Variants in NDUFS4 observed in about 807,000 individuals in gnomAD.
NDUFS4 encodes NADH dehydrogenase [ubiquinone] iron-sulfur protein 4, mitochondrial.
Under a neutral mutation model 24.3 loss-of-function variants are expected in NDUFS4, and 28 were observed. That is an observed-to-expected ratio of 1.15 (90% CI 0.85 to 1.58). NDUFS4 has a LOEUF of 1.58. Ranked by LOEUF, NDUFS4 falls within the 40% of genes most tolerant of loss-of-function variation. The pLI, the probability that NDUFS4 is intolerant of heterozygous loss-of-function variation, is 0.00. For missense variants in NDUFS4, 223 were observed against 207.9 expected (o/e 1.07, Z -0.45); for synonymous variants, 93 against 69.7 (o/e 1.34, Z -1.67).
chr5:53,636,019 A>G (rs1751541503), intron 2 of NDUFS4, among the ~76,000 whole-genome samples: 1 of 152,214 alleles, frequency 6.6e-6, no homozygotes, highest in African/African-American at 2.4e-5. Flanking sequence ...AAGACAGATT[A>G]ACAAGAAAAA....
Position 53,683,336 on chromosome 5 carries a change from A to T in NDUFS4, c.*115A>T. ...TCCTAATAAATTGGACCTTTAAACT[A>T]CAGATACATTTTGTGGTGTCTATTT... On this transcript the variant is annotated 3_prime_UTR_variant, in exon 5 of 5. Coordinates refer to ENST00000296684, the MANE Select transcript of NDUFS4 (RefSeq NM_002495.4). 1 of 775,080 alleles carries T rather than the reference A, an allele frequency of 1.3e-6. No homozygotes were observed. Among genetic ancestry groups the T allele is most frequent in the East Asian group, 2.6e-5 (1 of 38,188 alleles). The allele number at this position is 775,080 out of a possible 1,614,324, so 48.0% of individuals were successfully genotyped here.
intron 1 of NDUFS4, among the ~76,000 whole-genome samples, chr5:53,602,656 G>A (rs1470932193): frequency 1.3e-5 from 2 of 152,150 alleles, no homozygotes; most frequent in East Asian, 3.9e-4. Context: ...CCATATATTT[G>A]GGGTGGAAAT....
intron 2 of NDUFS4, among the ~76,000 whole-genome samples, chr5:53,627,682 T>G (rs1251621961): frequency 6.6e-6 from 1 of 152,182 alleles, no homozygotes; most frequent in East Asian, 1.9e-4. Context: ...GCTCTCTGTT[T>G]GTCTGTTATT....
At chr5:53,682,318 G>T (rs1400138738) in intron 4 of NDUFS4, among the ~76,000 whole-genome samples, 1 of 152,002 alleles carries the variant, frequency 6.6e-6, no homozygotes, top group Non-Finnish European at 1.5e-5. Flanking sequence ...AATGGCTTTG[G>T]AAGGAAAATA....
intron 3 of NDUFS4, among the ~76,000 whole-genome samples, chr5:53,652,876 C>G (rs1454772643): frequency 6.6e-6 from 1 of 151,768 alleles, no homozygotes; most frequent in Non-Finnish European, 1.5e-5. Flanking sequence ...AGGGAGACAG[C>G]ATGACTTATC....
At chr5:53,638,770 A>G (rs1481404971) in intron 2 of NDUFS4, among the ~76,000 whole-genome samples, 1 of 152,156 alleles carries the variant, frequency 6.6e-6, no homozygotes, top group Non-Finnish European at 1.5e-5. Context: ...CTTAACAGAT[A>G]AAGGAAAACC....
Position 53,563,675 on chromosome 5 carries a change from TA to T in NDUFS4, c.98+2916del, listed in dbSNP as rs1748930863. On this transcript the variant is annotated intron_variant, in intron 1 of 4. Transcript: ENST00000296684. ...CACCACCTCGCCCAGCTAATTTTTTTATTTTTAGTAGAGATGGAGTTTCACC... is the reference window on the plus strand; with the variant it reads ...CACCACCTCGCCCAGCTAATTTTTTTTTTTTAGTAGAGATGGAGTTTCACC... Among the ~76,000 whole-genome samples the T allele has an allele frequency of 2.6e-5, 4 of 152,170 alleles. No individual in the cohort carries two copies. The South Asian group carries it at 8.3e-4, about 32-fold the overall frequency.
chr5:53,651,247 CT>C (rs377532128), intron 3 of NDUFS4, among the ~76,000 whole-genome samples: 2 of 151,790 alleles, frequency 1.3e-5, no homozygotes, highest in African/African-American at 2.4e-5. Context: ...AATTGCTACT[CT>C]TTTTTTAGCA....
At chr5:53,563,040 C>G (rs75280194) in intron 1 of NDUFS4, among the ~76,000 whole-genome samples, 3,655 of 121,754 alleles carry the variant, frequency 0.03, no homozygotes, top group South Asian at 0.046. Context: ...CCATCCTGGC[C>G]AACACGGTGA....
At chr5:53,648,575 C>G (rs1751927326) in intron 3 of NDUFS4, among the ~76,000 whole-genome samples, 1 of 152,168 alleles carries the variant, frequency 6.6e-6, no homozygotes, top group Admixed American at 6.5e-5. Flanking sequence ...CTGGTGGTGC[C>G]TGCATCTGTA....
At chr5:53,579,462 A>G (rs922220515) in intron 1 of NDUFS4, among the ~76,000 whole-genome samples, 2 of 152,186 alleles carry the variant, frequency 1.3e-5, no homozygotes, top group Admixed American at 1.3e-4. Flanking sequence ...TTCATGTCCT[A>G]ATCCCCAGAA....
intron 4 of NDUFS4, among the ~76,000 whole-genome samples, chr5:53,661,413 A>G (rs1752339773): frequency 1.3e-5 from 2 of 152,226 alleles, no homozygotes; most frequent in East Asian, 1.9e-4. Context: ...GCCTTGTAGT[A>G]TAGTTTGAAG....
chr5:53,585,979 T>C lies in NDUFS4; in HGVS notation c.99-17473T>C, dbSNP rs1378664791. Among the ~76,000 whole-genome samples the C allele has an allele frequency of 4.6e-5, 7 of 152,284 alleles. No individual in the cohort carries two copies. The East Asian group carries it at 1.4e-3, about 29-fold the overall frequency. ...GACATCCATTTTTAAAATTGTATTT[T>C]AAAATGGCATTGCTTTGCTGACTAG... On this transcript the variant is annotated intron_variant, in intron 1 of 4. Coordinates refer to ENST00000296684, the MANE Select transcript of NDUFS4 (RefSeq NM_002495.4).
intron 4 of NDUFS4, 33 bp downstream of exon 4, chr5:53,658,657 T>G: frequency 6.4e-7 from 1 of 1,555,976 alleles, no homozygotes; most frequent in Non-Finnish European, 8.9e-7. Context: ...AAAGTCAAGA[T>G]AATGATTTTA....
chr5:53,627,239 T>C (rs1028641634), intron 2 of NDUFS4, among the ~76,000 whole-genome samples: 9 of 152,202 alleles, frequency 5.9e-5, no homozygotes, highest in African/African-American at 2.2e-4. Flanking sequence ...CATTGGTCTA[T>C]ATATCTGTTT....
At chr5:53,634,163 A>G (rs1251966744) in intron 2 of NDUFS4, among the ~76,000 whole-genome samples, 1 of 152,180 alleles carries the variant, frequency 6.6e-6, no homozygotes, top group Non-Finnish European at 1.5e-5. Context: ...ATAGTTTTTT[A>G]TTCTTATGCT....
chr5:53,634,451 C>T (rs1049705873), intron 2 of NDUFS4, among the ~76,000 whole-genome samples: 10 of 152,026 alleles, frequency 6.6e-5, no homozygotes, highest in African/African-American at 2.4e-4. Context: ...ACTGCCATAC[C>T]TTTTGTTTTC....
intron 4 of NDUFS4, among the ~76,000 whole-genome samples, chr5:53,681,546 T>TGTAA (rs1287633373): frequency 3.3e-5 from 5 of 152,154 alleles, no homozygotes; most frequent in African/African-American, 7.2e-5. Flanking sequence ...GTACGTACTT[T>TGTAA]GTAAGTCCAC....
intron 1 of NDUFS4, among the ~76,000 whole-genome samples, chr5:53,582,386 C>T (rs1199511077): frequency 1.3e-5 from 2 of 152,124 alleles, no homozygotes; most frequent in Non-Finnish European, 2.9e-5. Flanking sequence ...AGGACAGGAA[C>T]CAGCCCTGGA....
Sources: allele counts gnomAD v4.1 joint callset (sites outside exome capture counted in the v4.1 genomes callset), GRCh38; gene constraint gnomAD v4.1.1; transcripts MANE v1.5; gene names NCBI Gene and HGNC (gene_info 2026-07-23, HGNC 2026-07-21).